Variants in PRKAR2B observed in about 807,000 individuals in gnomAD.
PRKAR2B encodes the protein protein kinase cAMP-dependent type II regulatory subunit beta.
PRKAR2B carries 14 observed loss-of-function variants against 49.9 expected under a neutral mutation model. That is an observed-to-expected ratio of 0.28 (90% CI 0.19 to 0.44). The LOEUF is 0.44. Ranked by LOEUF, PRKAR2B falls within the 20% of genes least tolerant of loss-of-function variation. The pLI is 1.00. For synonymous variants in PRKAR2B, 196 were observed against 197.7 expected (o/e 0.99, Z 0.07); for missense variants, 393 against 537.9 (o/e 0.73, Z 2.67).
intron 3 of PRKAR2B, among the ~76,000 whole-genome samples, chr7:107,125,964 G>A (rs1049421499): frequency 6.6e-6 from 1 of 151,408 alleles, no homozygotes; most frequent in African/African-American, 2.4e-5. Flanking sequence ...GCAGGCACTT[G>A]TAATCCCAGC....
At chr7:107,152,323 A>G (rs898701470) in intron 7 of PRKAR2B, among the ~76,000 whole-genome samples, 1 of 152,048 alleles carries the variant, frequency 6.6e-6, no homozygotes, top group Non-Finnish European at 1.5e-5. Context: ...CTCTGTTGAC[A>G]CATCAGCTTC....
At chr7:107,156,271 A>T (rs1055499253) in intron 8 of PRKAR2B, among the ~76,000 whole-genome samples, 4 of 152,088 alleles carry the variant, frequency 2.6e-5, no homozygotes, top group East Asian at 1.9e-4. Flanking sequence ...GTAAAATTTT[A>T]AAAAAAGGAA....
intron 2 of PRKAR2B, among the ~76,000 whole-genome samples, chr7:107,080,532 G>GT (rs1295265379): frequency 3.3e-5 from 5 of 152,170 alleles, no homozygotes; most frequent in African/African-American, 9.7e-5. Flanking sequence ...GGAAGCTTAA[G>GT]GCATGGGGAG....
At chr7:107,137,341 C>T (rs912308470) in intron 4 of PRKAR2B, among the ~76,000 whole-genome samples, 3 of 152,136 alleles carry the variant, frequency 2.0e-5, no homozygotes, top group African/African-American at 7.2e-5. Context: ...TCTTGATTAC[C>T]CTTCTTTGAG....
At chr7:107,077,793 T>C (rs1377319231) in intron 2 of PRKAR2B, 3 of 152,202 alleles carry the variant, frequency 2.0e-5, no homozygotes. Context: ...AGTGTCTCTG[T>C]GTGTGTGTAT....
chr7:107,048,678 G>A (rs1385675487), intron 1 of PRKAR2B, among the ~76,000 whole-genome samples: 4 of 152,198 alleles, frequency 2.6e-5, no homozygotes, highest in Non-Finnish European at 2.9e-5. Flanking sequence ...TGAGGGTCAG[G>A]TGGTGTGGCT....
chr7:107,098,485 T>C (rs954167792), intron 2 of PRKAR2B, among the ~76,000 whole-genome samples: 1 of 152,110 alleles, frequency 6.6e-6, no homozygotes, highest in Admixed American at 6.6e-5. Flanking sequence ...AAGTTTGTTA[T>C]TACTGATTGT....
chr7:107,057,582 A>G (rs1793940408), intron 1 of PRKAR2B, among the ~76,000 whole-genome samples: 1 of 152,200 alleles, frequency 6.6e-6, no homozygotes, highest in South Asian at 2.1e-4. Flanking sequence ...TATAGACTCT[A>G]GATTTGAAGC....
At chr7:107,155,861 G>A (rs1237447452) in intron 8 of PRKAR2B, among the ~76,000 whole-genome samples, 2 of 152,108 alleles carry the variant, frequency 1.3e-5, no homozygotes, top group Non-Finnish European at 2.9e-5. Flanking sequence ...CAACCCAAAT[G>A]CCCATCAGTG....
chr7:107,084,487 A>C (rs1203786683), intron 2 of PRKAR2B, among the ~76,000 whole-genome samples: 2 of 152,084 alleles, frequency 1.3e-5, no homozygotes, highest in African/African-American at 4.8e-5. Context: ...TAGGAAACTT[A>C]TACATTTTTG....
chr7:107,068,286 A>C (rs1192488783), intron 1 of PRKAR2B, among the ~76,000 whole-genome samples: 1 of 152,162 alleles, frequency 6.6e-6, no homozygotes, highest in East Asian at 1.9e-4. Flanking sequence ...GCAGGGGGGC[A>C]GAGAATGTCT....
At chr7:107,092,026 T>C (rs558204259) in intron 2 of PRKAR2B, 4 of 152,206 alleles carry the variant, frequency 2.6e-5, no homozygotes, top group African/African-American at 9.6e-5. Flanking sequence ...GAATGGGTAG[T>C]GGAAGGAATA....
At position 107,146,435 on chromosome 7, in the gene PRKAR2B, A is replaced by G. The variant is rs1245228594; in HGVS notation, c.715A>G (p.Thr239Ala). The change falls in exon 6 of 11, where the codon ACC (threonine) becomes GCC (alanine). Residue 239 changes from threonine to alanine, a missense_variant. Physicochemically the swap from Thr to Ala is moderately conservative, Grantham distance 58 (BLOSUM62 0). Transcript: ENST00000265717. ...NTPRAATITA[T>A]SPGALWGLDR... ...ACCCAGAGCAGCTACAATCACTGCT[A>G]CCTCTCCTGGTGCTCTGTGGGGTTT... The G allele has an allele frequency of 2.5e-6, 4 of 1,614,050 alleles. No individual in the cohort carries two copies. The highest frequency in any genetic ancestry group is 3.4e-6 in the Non-Finnish European group (4 of 1,179,948).
At chr7:107,156,662 C>T (rs757719694) in intron 8 of PRKAR2B, among the ~76,000 whole-genome samples, 35 of 151,874 alleles carry the variant, frequency 2.3e-4, no homozygotes, top group Non-Finnish European at 4.0e-4. Flanking sequence ...ATAAATTAGC[C>T]GGGCGTGGTG....
chr7:107,114,528 ATTTTTTTTT>A (rs761914948), intron 2 of PRKAR2B, among the ~76,000 whole-genome samples: 17 of 131,572 alleles, frequency 1.3e-4, no homozygotes, highest in African/African-American at 3.3e-4. Context: ...TGCCCGGTTA[ATTTTTTTTT>A]TTTTTTTTTT....
chr7:107,064,882 T>C (rs1256137870), intron 1 of PRKAR2B, among the ~76,000 whole-genome samples: 2 of 152,228 alleles, frequency 1.3e-5, no homozygotes, highest in Non-Finnish European at 2.9e-5. Context: ...GTTGTGTGTG[T>C]TAGGTTAATC....
At chr7:107,099,449 G>C (rs2116811160) in intron 2 of PRKAR2B, among the ~76,000 whole-genome samples, 1 of 152,252 alleles carries the variant, frequency 6.6e-6, no homozygotes, top group South Asian at 2.1e-4. Flanking sequence ...GGAATTCCCT[G>C]ACCCCTTGTG....
intron 5 of PRKAR2B, among the ~76,000 whole-genome samples, chr7:107,143,627 G>T (rs1243425494): frequency 6.6e-6 from 1 of 152,242 alleles, no homozygotes; most frequent in East Asian, 1.9e-4. Context: ...TGGCTTATTG[G>T]TAGCATATAA....
At chr7:107,116,269 C>T (rs908698477) in intron 2 of PRKAR2B, among the ~76,000 whole-genome samples, 22 of 152,162 alleles carry the variant, frequency 1.4e-4, no homozygotes, top group Admixed American at 3.3e-4. Context: ...TCTTCCCACT[C>T]TTTGTTAATT....
Sources: allele counts gnomAD v4.1 joint callset (sites outside exome capture counted in the v4.1 genomes callset), GRCh38; gene constraint gnomAD v4.1.1; transcripts MANE v1.5; gene names NCBI Gene and HGNC (gene_info 2026-07-23, HGNC 2026-07-21).